INTS1: variants seen among roughly 807,000 people sequenced by gnomAD.
The protein encoded by INTS1 is integrator complex subunit 1.
Under a neutral mutation model 241.6 loss-of-function variants are expected in INTS1, and 137 were observed. The observed-to-expected ratio is 0.57, with a 90% CI of 0.49 to 0.65. The LOEUF (loss-of-function observed/expected upper bound fraction) is 0.65, where lower values mean the gene tolerates loss of function less well. INTS1 is among the 30% of genes least tolerant of loss of function. The probability of loss-of-function intolerance (pLI) is 0.00; values close to 1 mark genes in which losing one functional copy is unlikely to be tolerated. For synonymous variants in INTS1, 1,692 were observed against 1,337.8 expected (o/e 1.26, Z -5.78); for missense variants, 3,073 against 3,032.2 (o/e 1.01, Z -0.32).
chr7:1,480,087 A>T (rs1274577727), intron 30 of INTS1, among the ~76,000 whole-genome samples: 3 of 151,706 alleles, frequency 2.0e-5, no homozygotes, highest in African/African-American at 7.3e-5. Flanking sequence ...ATGCAGGGCG[A>T]CCCCCTTCCC....
Position 1,471,572 on chromosome 7 carries a change from G to T in INTS1, c.6254C>A (p.Ser2085Ter), listed in dbSNP as rs199528180. The T allele has an allele frequency of 2.5e-6, 4 of 1,612,020 alleles. No individual in the cohort carries two copies. The highest frequency in any genetic ancestry group is 3.4e-6 in the Non-Finnish European group (4 of 1,179,712). The part of the protein sequence containing the change: ...RRRPEILSFF[S>*]TNLQRLMSSA... ...CTCCCTCAGCCCCATCCAGCTCACC[G>T]AGAAGAAGCTCAGGATCTCGGGTCT... is the stretch of plus-strand genomic sequence containing the variant. The change falls in exon 45 of 48, where the codon TCG (serine) becomes TAG (stop). Residue 2085 changes from serine to a stop codon, truncating the protein, a stop_gained and splice_region_variant. Transcript: ENST00000404767. LOFTEE classifies it high-confidence loss of function.
intron 11 of INTS1, among the ~76,000 whole-genome samples, chr7:1,496,751 G>C (rs1028831952): frequency 1.2e-4 from 18 of 152,118 alleles, no homozygotes; most frequent in African/African-American, 4.1e-4. Flanking sequence ...CAGGGACCTG[G>C]CATCTCTGTG....
At position 1,474,741 on chromosome 7, in the gene INTS1, C is replaced by T. The variant is rs1291613326; in HGVS notation, c.5600G>A (p.Arg1867Gln). ...NRGADASMAC[R>Q]KLAVAHPLLL... ...CAGCGGGTGCGCCACCGCCAGCTTC[C>T]GGCAGGCCATGCTGGCATCCGCCCC... Residue 1867 changes from arginine to glutamine, a missense_variant, in exon 40 of 48, where the codon CGG becomes CAG. By Grantham distance (43) the Arg-to-Gln change is conservative. Coordinates refer to ENST00000404767, the MANE Select transcript of INTS1 (RefSeq NM_001080453.3). 6 of 1,563,908 alleles carry T rather than the reference C, an allele frequency of 3.8e-6. No homozygotes were observed. In the Admixed American group the frequency reaches 5.7e-5, roughly 15 times the overall value.
At chr7:1,471,731 C>T (rs1781476279) in intron 44 of INTS1, 90 bp from the exon 45 acceptor site, 7 of 1,230,980 alleles carry the variant, frequency 5.7e-6, no homozygotes, top group African/African-American at 1.5e-5. Context: ...GGCAAGGCCC[C>T]GAGCACCACA....
chr7:1,473,616 G>A lies in INTS1; in HGVS notation c.5907C>T (p.Tyr1969=). The A allele has an allele frequency of 6.2e-7, 1 of 1,612,578 alleles. No individual in the cohort carries two copies. The highest frequency in any genetic ancestry group is 8.5e-7 in the Non-Finnish European group (1 of 1,179,452). Residue 1969 remains tyrosine (Y), a synonymous_variant, in exon 42 of 48, where the codon TAC becomes TAT. Coordinates refer to ENST00000404767, the MANE Select transcript of INTS1 (RefSeq NM_001080453.3). The part of the protein sequence containing the change: ...FVQFIHKYIT[Y]NAPAAISFLQ... ...GGAAGGAGATGGCTGCTGGGGCATT[G>A]TAGGTAATGTACTTATGGATGAACT... is the stretch of plus-strand genomic sequence containing the variant.
At chr7:1,502,386 G>GGACAGT (rs1054825766) in intron 3 of INTS1, among the ~76,000 whole-genome samples, 4 of 152,134 alleles carry the variant, frequency 2.6e-5, no homozygotes, top group African/African-American at 7.2e-5. Flanking sequence ...TGCGAGAACG[G>GGACAGT]GACAGTGGTG....
chr7:1,499,442 C>T, intron 6 of INTS1, 31 bp downstream of exon 6: 2 of 1,555,262 alleles, frequency 1.3e-6, no homozygotes, highest in Admixed American at 1.8e-5. Flanking sequence ...GGCTTGGACA[C>T]CCGCCCTCTC....
At chr7:1,492,622 C>CTGA (rs79114754) in intron 16 of INTS1, among the ~76,000 whole-genome samples, 1 of 101,008 alleles carries the variant, frequency 9.9e-6, no homozygotes, top group Non-Finnish European at 1.8e-5. Context: ...AGAGCATAAA[C>CTGA]TCGTTGTGTA....
intron 5 of INTS1, 108 bp downstream of exon 5, chr7:1,499,776 G>T: frequency 6.8e-7 from 1 of 1,475,996 alleles, no homozygotes; most frequent in East Asian, 2.4e-5. Flanking sequence ...TCACCACCAG[G>T]GCTGTCAGAC....
rs1782674579 is a variant in INTS1, at chr7:1,493,300, C to T, written c.2069-194G>A. Among the ~76,000 whole-genome samples, 3 of 152,122 alleles carry T rather than the reference C, an allele frequency of 2.0e-5. No homozygotes were observed. The highest frequency in any genetic ancestry group is 3.4e-3 in the Middle Eastern group (1 of 294). The stretch of plus-strand genomic sequence containing the variant: ...AAACAGGGCACTTTGCTCTCGGGGA[C>T]ACCTGGGCTGGGTCTAGAGAGCAGG... On this transcript the variant is annotated intron_variant, in intron 15 of 47. Coordinates refer to ENST00000404767, the MANE Select transcript of INTS1 (RefSeq NM_001080453.3). The surrounding 1 kb of genome is among the most constrained non-coding windows in gnomAD (Gnocchi z 5.3).
Position 1,475,998 on chromosome 7 carries a change from G to A in INTS1, c.5452C>T (p.Pro1818Ser), listed in dbSNP as rs115962286. 2,033 of 1,545,532 alleles carry A rather than the reference G, an allele frequency of 1.3e-3. 23 individuals carry two copies. The African/African-American group carries it at 0.025, about 19-fold the overall frequency. Residue 1818 changes from proline to serine, a missense_variant, in exon 39 of 48, where the codon CCT becomes TCT. Physicochemically the swap from Pro to Ser is moderately conservative, Grantham distance 74. Coordinates refer to ENST00000404767, the MANE Select transcript of INTS1 (RefSeq NM_001080453.3). ...CCTTCGCTGTGCAGTAGGACCTCAGGCACGGGCACCCGCAGCTCCGGCCGC... is the reference window on the plus strand; with the variant it reads ...CCTTCGCTGTGCAGTAGGACCTCAGACACGGGCACCCGCAGCTCCGGCCGC... Reference protein sequence around the residue: ...LQRPELRVPVPEVLLHSEGAA... With the variant: ...LQRPELRVPVSEVLLHSEGAA...
intron 18 of INTS1, among the ~76,000 whole-genome samples, 155 bp from the exon 19 acceptor site, chr7:1,488,112 G>C (rs536285202): frequency 1.4e-4 from 22 of 152,286 alleles, no homozygotes; most frequent in Non-Finnish European, 2.8e-4. Flanking sequence ...AGCATCCATG[G>C]GGCTGTCAGA....
chr7:1,491,378 C>G (rs1213780324), intron 16 of INTS1, among the ~76,000 whole-genome samples: 1 of 152,208 alleles, frequency 6.6e-6, no homozygotes, highest in Admixed American at 6.5e-5. Context: ...GCCGGGACAG[C>G]TGGATGGCCA....
At chr7:1,473,943 C>T (rs1781590993) in intron 41 of INTS1, among the ~76,000 whole-genome samples, 1 of 152,260 alleles carries the variant, frequency 6.6e-6, no homozygotes, top group Non-Finnish European at 1.5e-5. Context: ...CAGAGAACAG[C>T]ACGGAGGGTC....
At chr7:1,501,549 C>T (rs1783183154) in intron 3 of INTS1, among the ~76,000 whole-genome samples, 1 of 152,150 alleles carries the variant, frequency 6.6e-6, no homozygotes, top group African/African-American at 2.4e-5. Context: ...TCAGAATACG[C>T]TTTTCATAAC....
At position 1,499,891 on chromosome 7, in the gene INTS1, A is replaced by G. The variant is rs1180799555; in HGVS notation, c.677T>C (p.Phe226Ser). Reference sequence around the variant, plus strand: ...CCGGGAGAGGACGCTCACCTTGACAAAGATCTCGGGCCAGTTCTCGTCCTC... The same window carrying G: ...CCGGGAGAGGACGCTCACCTTGACAGAGATCTCGGGCCAGTTCTCGTCCTC... ...YEEDENWPEI[F>S]VKVYIEDSLG... The change falls in exon 5 of 48, where the codon TTT becomes TCT. Residue 226 changes from phenylalanine (F) to serine (S), a missense_variant. Transcript: ENST00000404767. 1 of 1,612,346 alleles carries G rather than the reference A, an allele frequency of 6.2e-7. No homozygotes were observed. The highest frequency in any genetic ancestry group is 1.1e-5 in the South Asian group (1 of 90,954).
At chr7:1,479,054 G>C (rs530802945) in intron 31 of INTS1, among the ~76,000 whole-genome samples, 169 bp from the exon 32 acceptor site, 1 of 152,216 alleles carries the variant, frequency 6.6e-6, no homozygotes, top group Non-Finnish European at 1.5e-5. Flanking sequence ...TCCCCTGCAC[G>C]GGCCCAGACG....
rs376185048 is a variant in INTS1 at position 1,478,852 on chromosome 7, G to T, written c.4363C>A (p.Leu1455Ile). The change falls in exon 32 of 48, where the codon CTC becomes ATC. Residue 1455 changes from leucine to isoleucine, a missense_variant. Transcript: ENST00000404767. ...CVPQDTGFSS[L>I]FLKVLLQMLQ... The stretch of plus-strand genomic sequence containing the variant: ...ATCTGCAGGAGCACCTTCAGGAAGA[G>T]CGAGGAGAAGCCGGTGTCCTGTGGC... 97 of 1,610,598 alleles carry T rather than the reference G, an allele frequency of 6.0e-5. No homozygotes were observed. The African/African-American group carries it at 1.2e-3, about 21-fold the overall frequency.
In INTS1 at chr7:1,470,904, G is replaced by C; in HGVS notation, c.6399C>G (p.Asp2133Glu). ...GGAGGGCCGTCTGCACCACCTCAAA[G>C]TCCTGGCTGCCCAGGCAGTACATGA... ...PTFMYCLGSQ[D>E]FEVVQTALRN... Residue 2133 changes from aspartate to glutamate, a missense_variant, in exon 47 of 48, where the codon GAC (aspartate) becomes GAG (glutamate). Transcript: ENST00000404767. 6.3e-7 allele frequency: 1 copy of C among 1,591,416 alleles called. No homozygotes were observed. Among genetic ancestry groups the C allele is most frequent in the Non-Finnish European group, 8.5e-7 (1 of 1,169,918 alleles).
Sources: allele counts gnomAD v4.1 joint callset (sites outside exome capture counted in the v4.1 genomes callset), GRCh38; gene constraint gnomAD v4.1.1; non-coding constraint Gnocchi (gnomAD v3.1); transcripts MANE v1.5; gene names NCBI Gene and HGNC (gene_info 2026-07-23, HGNC 2026-07-21).